The following SLC25A25 variants were observed in gnomAD, a reference collection of about 807,000 sequenced individuals.
SLC25A25 encodes mitochondrial adenyl nucleotide antiporter SLC25A25.
SLC25A25 carries 32 observed loss-of-function variants against 57.7 expected under a neutral mutation model. The observed-to-expected ratio is 0.55, with a 90% CI of 0.42 to 0.74. SLC25A25 has a LOEUF of 0.74. Among genes scored for constraint, SLC25A25 ranks in the 30% least tolerant of loss-of-function variants. SLC25A25 has a pLI of 0.00. For synonymous variants in SLC25A25, 306 were observed against 291.2 expected (o/e 1.05, Z -0.52); for missense variants, 556 against 701.3 (o/e 0.79, Z 2.34).
chr9:128,075,466 T>C (rs912776643), intron 1 of SLC25A25, among the ~76,000 whole-genome samples: 4 of 151,994 alleles, frequency 2.6e-5, no homozygotes, highest in African/African-American at 9.7e-5. Flanking sequence ...GTGGATCGCT[T>C]GAGCTCAGGA....
In SLC25A25 at chr9:128,102,395, A is replaced by G. The variant is rs909704910; in HGVS notation, c.538A>G (p.Ile180Val). ...TYMDKNGTMT[I>V]DWNEWRDYHL... ...CATGGATAAAAACGGCACGATGACC[A>G]TTGACTGGAACGAGTGGAGAGACTA... is the stretch of plus-strand genomic sequence containing the variant. Residue 180 changes from isoleucine to valine, a missense_variant, in exon 5 of 11, where the codon ATT (isoleucine) becomes GTT (valine). By Grantham distance (29) the Ile-to-Val change is conservative (BLOSUM62 3). Transcript: ENST00000373069. This position sits in a 1 kb window ranked among gnomAD's most constrained non-coding sequence, Gnocchi z 4.1. 1 of 1,613,972 alleles carries G rather than the reference A, an allele frequency of 6.2e-7. No homozygotes were observed. Among genetic ancestry groups the G allele is most frequent in the Non-Finnish European group, 8.5e-7 (1 of 1,179,958 alleles).
intron 1 of SLC25A25, chr9:128,098,595 T>C (rs767712754): frequency 6.2e-7 from 1 of 1,614,052 alleles, no homozygotes; most frequent in Non-Finnish European, 8.5e-7. Context: ...TATGTGCCGG[T>C]CATCGGGGAA....
chr9:128,086,594 A>G (rs925918291), intron 1 of SLC25A25, among the ~76,000 whole-genome samples: 1 of 151,970 alleles, frequency 6.6e-6, no homozygotes, highest in African/African-American at 2.4e-5. Context: ...CGGCCTCCCA[A>G]AGTGCTGAGA....
At position 128,090,640 on chromosome 9, in the gene SLC25A25, G is replaced by A. The variant is rs192139626; in HGVS notation, c.262-10456G>A. ...AGCCTGGTCAACATGGTGAAACCCC[G>A]TCTCTACTAAAAATACAAACATTAG... On this transcript the variant is annotated intron_variant, in intron 1 of 10. Transcript: ENST00000373069. Among the ~76,000 whole-genome samples, 864 of 152,078 alleles carry A rather than the reference G, an allele frequency of 5.7e-3. 5 individuals carry two copies. Among genetic ancestry groups the A allele is most frequent in the African/African-American group, 7.2e-3 (300 of 41,528 alleles).
chr9:128,102,693 C>G lies in SLC25A25; in HGVS notation c.624+212C>G, dbSNP rs896066787. Among the ~76,000 whole-genome samples the G allele has an allele frequency of 6.6e-6, 1 of 152,216 alleles. No homozygotes were observed. The highest frequency in any genetic ancestry group is 2.4e-5 in the African/African-American group (1 of 41,456). On this transcript the variant is annotated intron_variant, in intron 5 of 10. Coordinates refer to ENST00000373069, the MANE Select transcript of SLC25A25 (RefSeq NM_001330988.2). This position sits in a 1 kb window ranked among gnomAD's most constrained non-coding sequence, Gnocchi z 4.1. The stretch of plus-strand genomic sequence containing the variant: ...AACCTGAACAGCCCCATCGTTCACA[C>G]ACACAGGCTTCCTCTTCCAGGAACA...
Position 128,101,701 on chromosome 9 carries a change from G to T in SLC25A25, c.476+305G>T, listed in dbSNP as rs1564192198. Among the ~76,000 whole-genome samples the T allele has an allele frequency of 6.6e-6, 1 of 151,914 alleles. No homozygotes were observed. Among genetic ancestry groups the T allele is most frequent in the African/African-American group, 2.4e-5 (1 of 41,352 alleles). Reference sequence around the variant, plus strand: ...AGGAGCACCTGTGCGTGTGGAGGGGGCGGGGCGGGGCGGGGGGCTCACACT... The same window carrying T: ...AGGAGCACCTGTGCGTGTGGAGGGGTCGGGGCGGGGCGGGGGGCTCACACT... On this transcript the variant is annotated intron_variant, in intron 3 of 10. Transcript: ENST00000373069. The surrounding 1 kb of genome is among the most constrained non-coding windows in gnomAD (Gnocchi z 4.9).
rs1833897977 is a variant in SLC25A25 at position 128,103,676 on chromosome 9, C to T, written c.625-5C>T. On this transcript the variant is annotated splice_region_variant and splice_polypyrimidine_tract_variant and intron_variant, in intron 5 of 10. Transcript: ENST00000373069. The surrounding 1 kb of genome is among the most constrained non-coding windows in gnomAD (Gnocchi z 6.7). ...GAGTCAGGCTTGTGCCATCTTTCCTCACAGATCTTTGATGTGGGTGAGAAT... is the reference window on the plus strand; with the variant it reads ...GAGTCAGGCTTGTGCCATCTTTCCTTACAGATCTTTGATGTGGGTGAGAAT... 1 of 1,614,092 alleles carries T rather than the reference C, an allele frequency of 6.2e-7. No individual in the cohort carries two copies. The highest frequency in any genetic ancestry group is 8.5e-7 in the Non-Finnish European group (1 of 1,180,040).
In SLC25A25 at chr9:128,101,975, G is replaced by A; in HGVS notation, c.477-105G>A. On this transcript the variant is annotated intron_variant, in intron 3 of 10. Coordinates refer to ENST00000373069, the MANE Select transcript of SLC25A25 (RefSeq NM_001330988.2). This position sits in a 1 kb window ranked among gnomAD's most constrained non-coding sequence, Gnocchi z 4.9. ...CTGTGGCGGGCTCGTCTCGTGCCGT[G>A]CTGTGCCCCTGTCTCTGGGTGTGTG... 7.5e-7 allele frequency: 1 copy of A among 1,326,314 alleles called. No individual in the cohort carries two copies. The highest frequency in any genetic ancestry group is 1.1e-6 in the Non-Finnish European group (1 of 950,972). The allele number at this position is 1,326,314 out of a possible 1,614,324, so 82.2% of individuals were successfully genotyped here.
chr9:128,076,226 G>C (rs1424088689), intron 1 of SLC25A25, among the ~76,000 whole-genome samples: 1 of 152,134 alleles, frequency 6.6e-6, no homozygotes, highest in Non-Finnish European at 1.5e-5. Flanking sequence ...TGACCTCCCA[G>C]ACTCAATCTA....
intron 1 of SLC25A25, chr9:128,100,757 G>A (rs1833757312): frequency 3.5e-6 from 1 of 286,098 alleles, no homozygotes; most frequent in Non-Finnish European, 6.7e-6. Flanking sequence ...CACCCTGGCT[G>A]TACGGCACGC....
At position 128,076,455 on chromosome 9, in the gene SLC25A25, TA is replaced by T. The variant is rs1564177950; in HGVS notation, c.261+7876del. Reference sequence around the variant, plus strand: ...CTAACTTTTTTTTTATTTTTATTTTTATTTTTATTTTTATTTTTATTTTTTT... The same window carrying T: ...CTAACTTTTTTTTTATTTTTATTTTTTTTTTATTTTTATTTTTATTTTTTT... On this transcript the variant is annotated intron_variant, in intron 1 of 10. Coordinates refer to ENST00000373069, the MANE Select transcript of SLC25A25 (RefSeq NM_001330988.2). Among the ~76,000 whole-genome samples, 470 of 142,096 alleles carry T rather than the reference TA, an allele frequency of 3.3e-3. 5 individuals are homozygous for T. Among genetic ancestry groups the T allele is most frequent in the Admixed American group, 8.5e-3 (124 of 14,616 alleles). The allele number at this position is 142,096 out of a possible 152,430, so 93.2% of individuals were successfully genotyped here.
In SLC25A25 at chr9:128,101,385, A is replaced by T. The variant is rs758170699; in HGVS notation, c.465A>T (p.Lys155Asn). Residue 155 changes from lysine to asparagine, a missense_variant, in exon 3 of 11, where the codon AAA becomes AAT. Physicochemically the swap from Lys to Asn is moderately conservative, Grantham distance 94. This residue lies in a region of SLC25A25 where 248 missense variants were observed against 273.5 expected (regional missense o/e 0.91). Transcript: ENST00000373069. This position sits in a 1 kb window ranked among gnomAD's most constrained non-coding sequence, Gnocchi z 4.9. The part of the protein sequence containing the change: ...GVKISEQQAE[K>N]ILKRIRTGHF... ...AGATATCTGAACAGCAGGCAGAAAA[A>T]ATTCTCAAGAGGTGAGTGCTCAGCC... 3.1e-6 allele frequency: 5 copies of T among 1,614,232 alleles called. No homozygotes were observed. The East Asian group carries it at 8.9e-5, about 29-fold the overall frequency.
chr9:128,068,448 C>T lies in SLC25A25; in HGVS notation c.129C>T (p.Gly43=), dbSNP rs759742189. ...GDPCGGAICG[G]PDHRLRLWRL... is the part of the protein sequence containing the mutation. ...CCTGCGGCGGCGCTATCTGCGGGGG[C>T]CCGGACCACCGGCTGCGCCTGTGGA... Residue 43 remains glycine (G), a synonymous_variant, in exon 1 of 11, where the codon GGC becomes GGT. Transcript: ENST00000373069. The T allele has an allele frequency of 3.9e-6, 6 of 1,556,436 alleles. No individual in the cohort carries two copies. Among genetic ancestry groups the T allele is most frequent in the East Asian group, 2.4e-5 (1 of 41,490 alleles).
At chr9:128,070,971 AAAG>A (rs1249013936) in intron 1 of SLC25A25, among the ~76,000 whole-genome samples, 7 of 102,706 alleles carry the variant, frequency 6.8e-5, no homozygotes, top group South Asian at 4.2e-4. Context: ...AAAAAAAAAA[AAAG>A]AAAGAAAGAA....
At position 128,108,936 on chromosome 9, in the gene SLC25A25, C is replaced by A. The variant is rs1336426775; in HGVS notation, c.*1492C>A. Reference sequence around the variant, plus strand: ...TTTCACTCTTTTCTGAATGTCAAGGCAGTGAGGTGCCTCTCACTGTGAATT... The same window carrying A: ...TTTCACTCTTTTCTGAATGTCAAGGAAGTGAGGTGCCTCTCACTGTGAATT... On this transcript the variant is annotated 3_prime_UTR_variant, in exon 11 of 11. Transcript: ENST00000373069. 1 of 151,494 alleles carries A rather than the reference C, an allele frequency of 6.6e-6. No homozygotes were observed. Among genetic ancestry groups the A allele is most frequent in the East Asian group, 1.9e-4 (1 of 5,142 alleles). 9.4% of individuals were successfully genotyped at this position (151,494 alleles called of 1,614,324 possible).
Position 128,102,131 on chromosome 9 carries a change from G to A in SLC25A25, c.512+16G>A, listed in dbSNP as rs561292357. 253 of 1,550,494 alleles carry A rather than the reference G, an allele frequency of 1.6e-4. No individual in the cohort carries two copies. Among genetic ancestry groups the A allele is most frequent in the Middle Eastern group, 3.3e-4 (2 of 5,992 alleles). ...CTGTCACCTAGTAAGTATCCATGTC[G>A]CTCATGACTGCCTCCCTTGACTTCC... On this transcript the variant is annotated intron_variant, in intron 4 of 10. Transcript: ENST00000373069. The surrounding 1 kb of genome is among the most constrained non-coding windows in gnomAD (Gnocchi z 4.1).
At chr9:128,086,758 G>A (rs534160233) in intron 1 of SLC25A25, among the ~76,000 whole-genome samples, 1 of 152,092 alleles carries the variant, frequency 6.6e-6, no homozygotes, top group African/African-American at 2.4e-5. Flanking sequence ...TTACAGGTGA[G>A]AGCCACCATA....
In SLC25A25 at chr9:128,095,102, A is replaced by G. The variant is rs1833520881; in HGVS notation, c.262-5994A>G. On this transcript the variant is annotated intron_variant, in intron 1 of 10. Transcript: ENST00000373069. This position sits in a 1 kb window ranked among gnomAD's most constrained non-coding sequence, Gnocchi z 4.4. ...TTAGTTCCTCCATAATCTAGTTCTC[A>G]CAGAGGCATTCAGAAGCTGTGACAC... Among the ~76,000 whole-genome samples, 4 of 152,220 alleles carry G rather than the reference A, an allele frequency of 2.6e-5. No individual in the cohort carries two copies. The highest frequency in any genetic ancestry group is 2.0e-4 in the Admixed American group (3 of 15,282).
chr9:128,080,123 T>C (rs1833116552), intron 1 of SLC25A25, among the ~76,000 whole-genome samples: 1 of 150,500 alleles, frequency 6.6e-6, no homozygotes, highest in Non-Finnish European at 1.5e-5. Context: ...CCCAGCACTT[T>C]GGGAAGCTGA....
Sources: allele counts gnomAD v4.1 joint callset (sites outside exome capture counted in the v4.1 genomes callset), GRCh38; gene constraint gnomAD v4.1.1; regional missense constraint gnomAD v4.1.1; non-coding constraint Gnocchi (gnomAD v3.1); transcripts MANE v1.5; gene names NCBI Gene and HGNC (gene_info 2026-07-23, HGNC 2026-07-21).